The following TRMO variants were observed in gnomAD, a reference collection of about 807,000 sequenced individuals.
TRMO encodes the protein tRNA (adenine(37)-N6)-methyltransferase.
Under a neutral mutation model 37.2 loss-of-function variants are expected in TRMO, and 30 were observed. The ratio of observed to expected loss-of-function variants is 0.81; its 90% CI spans 0.60 to 1.09. TRMO has a LOEUF of 1.09. Among genes scored for constraint, TRMO ranks in the 50% least tolerant of loss-of-function variants. The pLI, the probability that TRMO is intolerant of heterozygous loss-of-function variation, is 0.00. For missense variants in TRMO, 552 were observed against 549.5 expected (o/e 1.00, Z -0.05); for synonymous variants, 239 against 199.4 (o/e 1.20, Z -1.67).
chr9:97,901,687 C>T (rs1831172713), downstream of TRMO, among the ~76,000 whole-genome samples: 1 of 151,166 alleles, frequency 6.6e-6, no homozygotes, highest in East Asian at 1.9e-4. Flanking sequence ...TTATTTTGTG[C>T]TACAAATCAG....
intron 1 of TRMO, among the ~76,000 whole-genome samples, chr9:97,920,816 T>A (rs1230496436): frequency 6.6e-6 from 1 of 152,222 alleles, no homozygotes; most frequent in Non-Finnish European, 1.5e-5. Flanking sequence ...TCTAGACGAA[T>A]CCTCAACACT....
At chr9:97,919,197 A>T (rs1826507774) in intron 1 of TRMO, among the ~76,000 whole-genome samples, 1 of 152,192 alleles carries the variant, frequency 6.6e-6, no homozygotes, top group Non-Finnish European at 1.5e-5. Context: ...AACTGAGGCC[A>T]AACGACCTGG....
At chr9:97,913,941 T>C (rs139001220) in intron 2 of TRMO, 167 of 158,006 alleles carry the variant, frequency 1.1e-3, no homozygotes, top group Admixed American at 1.8e-3. Flanking sequence ...TCCCCCATTT[T>C]TGGGATGAGG....
rs766106334 is a variant in TRMO, at chr9:97,922,446, G to A, written c.48C>T (p.Cys16=). 2 of 1,587,064 alleles carry A rather than the reference G, an allele frequency of 1.3e-6. No homozygotes were observed. Among genetic ancestry groups the A allele is most frequent in the Non-Finnish European group, 1.7e-6 (2 of 1,167,470 alleles). ...TCTCCAGAGCCGGCTTAACGCAGCC[G>A]CACGGGGTCGCTGTAGGCCGAGGCC... ...ESGPRPTATP[C]GCVKPALETG... The change falls in exon 1 of 5, where the codon TGC becomes TGT. Residue 16 remains cysteine (C), a synonymous_variant. Coordinates refer to ENST00000375119, the MANE Select transcript of TRMO (RefSeq NM_016481.5).
At chr9:97,916,774 C>T (rs1488534889) in intron 1 of TRMO, among the ~76,000 whole-genome samples, 2 of 146,798 alleles carry the variant, frequency 1.4e-5, no homozygotes, top group African/African-American at 5.0e-5. Flanking sequence ...GGCCCGATCT[C>T]GGCTCACTGC....
Position 97,913,393 on chromosome 9 carries a change from T to C in TRMO, c.409+8A>G. 14 of 1,613,790 alleles carry C rather than the reference T, an allele frequency of 8.7e-6. No individual in the cohort carries two copies. Among genetic ancestry groups the C allele is most frequent in the Non-Finnish European group, 1.0e-5 (12 of 1,179,894 alleles). On this transcript the variant is annotated splice_region_variant and intron_variant, in intron 3 of 4. Coordinates refer to ENST00000375119, the MANE Select transcript of TRMO (RefSeq NM_016481.5). The stretch of plus-strand genomic sequence containing the variant: ...GAAAAAGGTAAAAGTAGAAATGAAA[T>C]GGGTTACCTTCTACCTTTTCCAGCT...
intron 3 of TRMO, chr9:97,910,860 C>CTTTG: frequency 1.7e-6 from 1 of 586,728 alleles, no homozygotes; most frequent in Non-Finnish European, 3.1e-6. Flanking sequence ...GCCTTTCTGG[C>CTTTG]TCCTCCAGAC....
At chr9:97,906,838 T>C (rs1274763033) in intron 4 of TRMO, among the ~76,000 whole-genome samples, 1 of 64,192 alleles carries the variant, frequency 1.6e-5, no homozygotes, top group Non-Finnish European at 2.6e-5. Flanking sequence ...TAAGACTCCG[T>C]CTCAAAAAAA....
chr9:97,916,544 A>G (rs1826371918), intron 1 of TRMO, among the ~76,000 whole-genome samples: 1 of 152,186 alleles, frequency 6.6e-6, no homozygotes, highest in Non-Finnish European at 1.5e-5. Flanking sequence ...TTACATACAT[A>G]GTAATATCCC....
intron 1 of TRMO, among the ~76,000 whole-genome samples, chr9:97,922,215 A>T (rs1826682968): frequency 6.6e-6 from 1 of 152,216 alleles, no homozygotes; most frequent in Non-Finnish European, 1.5e-5. Context: ...CTTATAACAA[A>T]GCGGAACAAG....
downstream of TRMO, chr9:97,904,459 C>G (rs755847279): frequency 8.2e-7 from 1 of 1,214,594 alleles, no homozygotes; most frequent in Non-Finnish European, 1.0e-6. Flanking sequence ...GCACCAAGAA[C>G]AGCTTCTTTC....
At chr9:97,922,039 T>C (rs760753540) in intron 1 of TRMO, among the ~76,000 whole-genome samples, 7 of 152,138 alleles carry the variant, frequency 4.6e-5, no homozygotes, top group Non-Finnish European at 8.8e-5. Flanking sequence ...CCCTTCTCTG[T>C]CCTCATTCCT....
At chr9:97,906,851 A>AG (rs1167452482) in intron 4 of TRMO, among the ~76,000 whole-genome samples, 2 of 117,086 alleles carry the variant, frequency 1.7e-5, no homozygotes, top group South Asian at 2.9e-4. Context: ...CAAAAAAAAA[A>AG]AAAAAAAGAA....
downstream of TRMO, among the ~76,000 whole-genome samples, chr9:97,904,273 C>G (rs538047169): frequency 6.6e-6 from 1 of 152,152 alleles, no homozygotes; most frequent in Admixed American, 6.5e-5. Context: ...AGTTTAATCT[C>G]AAAAACTATC....
At chr9:97,902,157 C>T (rs2131508961), downstream of TRMO, among the ~76,000 whole-genome samples, 1 of 152,320 alleles carries the variant, frequency 6.6e-6, no homozygotes, top group East Asian at 1.9e-4. Flanking sequence ...ATAATGAGCA[C>T]TGCCCATAAA....
chr9:97,917,131 G>T (rs1434225280), intron 1 of TRMO, among the ~76,000 whole-genome samples: 1 of 152,158 alleles, frequency 6.6e-6, no homozygotes, highest in Non-Finnish European at 1.5e-5. Context: ...GTACACAAAA[G>T]TAAATGAGAA....
At chr9:97,916,103 G>C (rs1003848764) in intron 2 of TRMO, 61 bp downstream of exon 2, 6 of 1,311,774 alleles carry the variant, frequency 4.6e-6, no homozygotes, top group Non-Finnish European at 5.3e-6. Context: ...TTCAACTAGA[G>C]TACTTTATTC....
intron 1 of TRMO, 33 bp downstream of exon 1, chr9:97,922,385 C>G: frequency 6.9e-7 from 1 of 1,457,352 alleles, no homozygotes. Flanking sequence ...CTAAACCTCT[C>G]CAGAGTGTGG....
intron 1 of TRMO, among the ~76,000 whole-genome samples, chr9:97,916,929 G>T (rs371558172): frequency 1.3e-5 from 2 of 150,824 alleles, no homozygotes; most frequent in Non-Finnish European, 3.0e-5. Context: ...GGTCAGGTTG[G>T]TCTTGAACTC....
Sources: allele counts gnomAD v4.1 joint callset (sites outside exome capture counted in the v4.1 genomes callset), GRCh38; gene constraint gnomAD v4.1.1; transcripts MANE v1.5; gene names NCBI Gene and HGNC (gene_info 2026-07-23, HGNC 2026-07-21).